Variants in RERE observed in about 807,000 individuals in gnomAD.
RERE encodes arginine-glutamic acid dipeptide repeats protein.
A neutral mutation model predicts 146.1 loss-of-function variants in RERE; 40 were observed. The observed-to-expected ratio is 0.27, with a 90% confidence interval of 0.21 to 0.36. RERE has a LOEUF of 0.36. Ranked by LOEUF, RERE falls within the 10% of genes least tolerant of loss-of-function variation. The pLI is 1.00. For missense variants in RERE, 1,933 were observed against 2,138.7 expected (o/e 0.90, Z 1.90); for synonymous variants, 1,003 against 866.0 (o/e 1.16, Z -2.78).
At chr1:8,581,306 T>C (rs1018754032) in intron 4 of RERE, among the ~76,000 whole-genome samples, 1 of 152,220 alleles carries the variant, frequency 6.6e-6, no homozygotes, top group Admixed American at 6.5e-5. Context: ...CTGTCAATTT[T>C]AAAACACTGA....
At chr1:8,565,229 C>A (rs1646139360) in intron 4 of RERE, among the ~76,000 whole-genome samples, 1 of 151,942 alleles carries the variant, frequency 6.6e-6, no homozygotes, top group African/African-American at 2.4e-5. Flanking sequence ...TCAAATGTTG[C>A]CATCATAAAA....
At chr1:8,517,126 C>A (rs6678982) in intron 7 of RERE, among the ~76,000 whole-genome samples, 26,643 of 152,096 alleles carry the variant, frequency 0.18, 2,542 homozygotes, top group Middle Eastern at 0.29. Flanking sequence ...ATTACAGTTA[C>A]AAAAGATGAG....
intron 12 of RERE, among the ~76,000 whole-genome samples, chr1:8,408,810 C>T (rs1165945305): frequency 6.6e-6 from 1 of 152,104 alleles, no homozygotes; most frequent in Non-Finnish European, 1.5e-5. Context: ...ATGACTCCTG[C>T]CGTGAGTGCT....
At chr1:8,372,953 G>A (rs1175907920) in intron 12 of RERE, among the ~76,000 whole-genome samples, 1 of 152,198 alleles carries the variant, frequency 6.6e-6, no homozygotes, top group Admixed American at 6.5e-5. Flanking sequence ...GGGGGATGAG[G>A]AGGCAGGCCT....
intron 2 of RERE, among the ~76,000 whole-genome samples, chr1:8,654,987 C>A (rs1638237532): frequency 1.3e-5 from 2 of 152,108 alleles, no homozygotes; most frequent in African/African-American, 4.8e-5. Context: ...TGCTAGTGTT[C>A]AACAGGTTTT....
intron 2 of RERE, among the ~76,000 whole-genome samples, chr1:8,641,231 A>G (rs1255625493): frequency 6.6e-6 from 1 of 152,212 alleles, no homozygotes; most frequent in Non-Finnish European, 1.5e-5. Context: ...AAATACCACC[A>G]TGCCACTTCA....
Position 8,499,930 on chromosome 1 carries a change from A to AC in RERE, c.880-2402dup, listed in dbSNP as rs541476847. On this transcript the variant is annotated intron_variant, in intron 8 of 22. Coordinates refer to ENST00000400908, the MANE Select transcript of RERE (RefSeq NM_001042681.2). ...AGGTCAGGAGTTCGACACCAGACTGACCAACACGGTGAAACCCTGTCTCTA... is the reference window on the plus strand; with the variant it reads ...AGGTCAGGAGTTCGACACCAGACTGACCCAACACGGTGAAACCCTGTCTCTA... Among the ~76,000 whole-genome samples the AC allele has an allele frequency of 4.3e-3, 657 of 152,192 alleles. 1 individual carries two copies. The highest frequency in any genetic ancestry group is 7.9e-3 in the Non-Finnish European group (538 of 68,000).
intron 11 of RERE, among the ~76,000 whole-genome samples, chr1:8,449,841 A>G (rs986522395): frequency 6.6e-6 from 1 of 152,246 alleles, no homozygotes; most frequent in Admixed American, 6.5e-5. Context: ...CTTGACTGAC[A>G]TGAATGATCA....
At chr1:8,583,041 A>G (rs576381355) in intron 4 of RERE, among the ~76,000 whole-genome samples, 1 of 152,308 alleles carries the variant, frequency 6.6e-6, no homozygotes, top group East Asian at 1.9e-4. Flanking sequence ...TGTCTTCAGT[A>G]TCTATTTCTC....
intron 7 of RERE, among the ~76,000 whole-genome samples, chr1:8,533,150 G>A (rs752391219): frequency 2.6e-5 from 4 of 151,978 alleles, no homozygotes; most frequent in African/African-American, 7.3e-5. Flanking sequence ...TCTTCCAGGC[G>A]GAAATCTGGA....
At chr1:8,429,020 G>A (rs1460085626) in intron 11 of RERE, among the ~76,000 whole-genome samples, 1 of 152,024 alleles carries the variant, frequency 6.6e-6, no homozygotes, top group African/African-American at 2.4e-5. Flanking sequence ...GAGTACAAAC[G>A]GCATTGATTT....
chr1:8,434,958 T>C (rs963592106), intron 11 of RERE: 1 of 152,240 alleles, frequency 6.6e-6, no homozygotes, highest in Non-Finnish European at 1.5e-5. Context: ...GGTGGAGCCA[T>C]TCCTAAATTC....
At chr1:8,587,923 G>A (rs1433430198) in intron 4 of RERE, among the ~76,000 whole-genome samples, 1 of 152,090 alleles carries the variant, frequency 6.6e-6, no homozygotes, top group Non-Finnish European at 1.5e-5. Flanking sequence ...TTCTCTGCAG[G>A]GTATGTTGGG....
chr1:8,373,385 G>A (rs1014018281), intron 12 of RERE, among the ~76,000 whole-genome samples: 16 of 152,096 alleles, frequency 1.1e-4, no homozygotes, highest in Admixed American at 3.9e-4. Context: ...GGTGGTCCAC[G>A]TAAAGGGGAT....
intron 1 of RERE, chr1:8,798,597 G>A (rs1020808454): frequency 9.1e-6 from 2 of 220,638 alleles, no homozygotes; most frequent in East Asian, 1.1e-4. Context: ...CGCCCTTACA[G>A]CCATGCTCTG....
At chr1:8,487,047 A>C (rs1644911466) in intron 10 of RERE, among the ~76,000 whole-genome samples, 1 of 152,210 alleles carries the variant, frequency 6.6e-6, no homozygotes, top group African/African-American at 2.4e-5. Flanking sequence ...TCCTTAACAA[A>C]TTATTAGCAA....
intron 2 of RERE, among the ~76,000 whole-genome samples, chr1:8,649,385 G>C (rs1257617286): frequency 1.3e-5 from 2 of 152,052 alleles, no homozygotes; most frequent in African/African-American, 2.4e-5. Context: ...CATCATCAAT[G>C]AGTCAATAAT....
chr1:8,361,203 G>GGGCGTGGGCCCT lies in RERE; in HGVS notation c.2292_2303dup (p.Gly765_Pro768dup). The GGGCGTGGGCCCT allele has an allele frequency of 3.3e-6, 5 of 1,498,236 alleles. No individual in the cohort carries two copies. The highest frequency in any genetic ancestry group is 1.3e-5 in the South Asian group (1 of 74,672). The allele number at this position is 1,498,236 out of a possible 1,614,324, so 92.8% of individuals were successfully genotyped here. ...CCTGTGGGGGAACTGCAGTGGCAGA[G>GGGCGTGGGCCCT]GGCGTGGGCCCTGGCGTGGGCAGCT... On this transcript the variant is annotated inframe_insertion, in exon 18 of 23. Transcript: ENST00000400908.
intron 1 of RERE, among the ~76,000 whole-genome samples, chr1:8,808,036 T>C (rs1195209900): frequency 2.7e-5 from 4 of 150,840 alleles, no homozygotes; most frequent in African/African-American, 9.8e-5. Flanking sequence ...AACAGCACTT[T>C]GGGAGGCCGA....
Sources: allele counts gnomAD v4.1 joint callset (sites outside exome capture counted in the v4.1 genomes callset), GRCh38; gene constraint gnomAD v4.1.1; transcripts MANE v1.5; gene names NCBI Gene and HGNC (gene_info 2026-07-23, HGNC 2026-07-21).